The following PKD2L1 variants were observed in gnomAD, a reference collection of about 807,000 sequenced individuals.
The protein encoded by PKD2L1 is polycystin 2 like 1, transient receptor potential cation channel, also known as polycystin-2-like protein 1.
Under a neutral mutation model 93.0 loss-of-function variants are expected in PKD2L1, and 77 were observed. The observed-to-expected ratio is 0.83, with a 90% CI of 0.69 to 1.00. The LOEUF (loss-of-function observed/expected upper bound fraction) is 1.00. Among genes scored for constraint, PKD2L1 ranks in the 50% least tolerant of loss-of-function variants. The pLI, the probability that PKD2L1 is intolerant of heterozygous loss-of-function variation, is 0.00. For synonymous variants in PKD2L1, 390 were observed against 388.0 expected (o/e 1.01, Z -0.06); for missense variants, 977 against 990.9 (o/e 0.99, Z 0.19).
chr10:100,327,126 G>T (rs374315575), intron 2 of PKD2L1, among the ~76,000 whole-genome samples: 17 of 152,276 alleles, frequency 1.1e-4, no homozygotes, highest in African/African-American at 3.9e-4. Flanking sequence ...CCAACGTCTG[G>T]CTCAGAGGAG....
rs1848534820 is a variant in PKD2L1 at position 100,296,247 on chromosome 10, C to T, written c.1231G>A (p.Val411Met). ...VGFHIFRTLE[V>M]NRLMGKLLQQ... The stretch of plus-strand genomic sequence containing the variant: ...AGGAGCTTCCCCATGAGCCGATTCA[C>T]CTCGAGGGTTCGGAATATGTGGAAG... The change falls in exon 7 of 16, where the codon GTG (valine) becomes ATG (methionine). Residue 411 changes from valine to methionine, a missense_variant. Physicochemically the swap from Val to Met is conservative, Grantham distance 21 (BLOSUM62 1). Coordinates refer to ENST00000318222, the MANE Select transcript of PKD2L1 (RefSeq NM_016112.3). 1.2e-6 allele frequency: 2 copies of T among 1,608,980 alleles called. No homozygotes were observed. Among genetic ancestry groups the T allele is most frequent in the African/African-American group, 1.3e-5 (1 of 74,522 alleles).
chr10:100,326,768 A>G (rs2133575802), intron 2 of PKD2L1, among the ~76,000 whole-genome samples: 1 of 152,360 alleles, frequency 6.6e-6, no homozygotes, highest in African/African-American at 2.4e-5. Context: ...AAAGAAGTTA[A>G]GCAAATTGCT....
At chr10:100,328,296 C>T (rs1055672262) in intron 2 of PKD2L1, among the ~76,000 whole-genome samples, 2 of 152,172 alleles carry the variant, frequency 1.3e-5, no homozygotes, top group African/African-American at 4.8e-5. Context: ...TCACTTGCTT[C>T]TCTCAACTTA....
At chr10:100,293,198 A>G (rs920669236) in intron 10 of PKD2L1, 83 bp downstream of exon 10, 3 of 1,530,020 alleles carry the variant, frequency 2.0e-6, no homozygotes, top group Non-Finnish European at 2.7e-6. Context: ...AGGCACCTCA[A>G]TCAGTCAGGA....
intron 7 of PKD2L1, 81 bp downstream of exon 7, chr10:100,296,034 CAAAAAAA>C (rs200777805): frequency 4.1e-6 from 4 of 980,512 alleles, no homozygotes; most frequent in South Asian, 3.2e-5. Context: ...GACTCCATCT[CAAAAAAA>C]AAAAAAAGAA....
chr10:100,329,391 T>C, intron 1 of PKD2L1, 67 bp from the exon 2 acceptor site: 1 of 1,611,260 alleles, frequency 6.2e-7, no homozygotes, highest in Non-Finnish European at 8.5e-7. Context: ...TCCCCACCCA[T>C]CTGTCTCTGG....
intron 2 of PKD2L1, among the ~76,000 whole-genome samples, chr10:100,307,450 G>A (rs1848829646): frequency 6.6e-6 from 1 of 152,154 alleles, no homozygotes; most frequent in African/African-American, 2.4e-5. Context: ...TTGAGCCCGG[G>A]AATTCATAGA....
intron 2 of PKD2L1, among the ~76,000 whole-genome samples, chr10:100,328,448 A>G (rs973615541): frequency 1.3e-5 from 2 of 152,172 alleles, no homozygotes; most frequent in African/African-American, 4.8e-5. Flanking sequence ...TCTGAGATCT[A>G]AGGTCGCCTG....
Position 100,297,609 on chromosome 10 carries a change from G to C in PKD2L1, c.732-3C>G. 2 of 1,611,310 alleles carry C rather than the reference G, an allele frequency of 1.2e-6. No homozygotes were observed. Among genetic ancestry groups the C allele is most frequent in the South Asian group, 1.1e-5 (1 of 90,962 alleles). On this transcript the variant is annotated splice_polypyrimidine_tract_variant and splice_region_variant and intron_variant, in intron 4 of 15. Transcript: ENST00000318222. Reference sequence around the variant, plus strand: ...CATCCTGCGAGTGGTATGTCCACCTGCCACAGAAAATGCCAGCTGAGCCAG... The same window carrying C: ...CATCCTGCGAGTGGTATGTCCACCTCCCACAGAAAATGCCAGCTGAGCCAG...
Position 100,298,692 on chromosome 10 carries a change from G to C in PKD2L1, c.601C>G (p.Arg201Gly), listed in dbSNP as rs146636374. The C allele has an allele frequency of 6.2e-7, 1 of 1,613,962 alleles. No individual in the cohort carries two copies. The highest frequency in any genetic ancestry group is 1.7e-5 in the Admixed American group (1 of 59,996). ...ENMLLGVPRL[R>G]QLKVRNDSCV... ...GAGTCATTGCGGACCTTTAGCTGCCGCAGCCTCGGAACCCCCAGCAGCATG... is the reference window on the plus strand; with the variant it reads ...GAGTCATTGCGGACCTTTAGCTGCCCCAGCCTCGGAACCCCCAGCAGCATG... Residue 201 changes from arginine (R) to glycine (G), a missense_variant, in exon 4 of 16, where the codon CGG becomes GGG. Arg to Gly is a moderately radical substitution (Grantham distance 125, BLOSUM62 -2). Transcript: ENST00000318222.
At chr10:100,289,393 G>A (rs1472628662) in intron 14 of PKD2L1, among the ~76,000 whole-genome samples, 1 of 152,142 alleles carries the variant, frequency 6.6e-6, no homozygotes, top group Admixed American at 6.5e-5. Context: ...TACAAAATTA[G>A]CTGGGTATGG....
intron 2 of PKD2L1, among the ~76,000 whole-genome samples, chr10:100,311,940 T>C (rs1245270048): frequency 2.0e-5 from 3 of 152,202 alleles, no homozygotes; most frequent in Admixed American, 2.0e-4. Context: ...AGGATGCTTC[T>C]CTAGAAATCT....
At chr10:100,289,292 C>T (rs1390966916) in intron 14 of PKD2L1, among the ~76,000 whole-genome samples, 1 of 152,174 alleles carries the variant, frequency 6.6e-6, no homozygotes, top group Non-Finnish European at 1.5e-5. Context: ...GTAATTCCAG[C>T]ACTTTGGGAG....
chr10:100,328,952 C>T (rs1849439691), intron 2 of PKD2L1, among the ~76,000 whole-genome samples: 1 of 152,220 alleles, frequency 6.6e-6, no homozygotes, highest in Non-Finnish European at 1.5e-5. Context: ...AAAACAATGG[C>T]TGCCAAAAAC....
At chr10:100,316,268 G>A (rs565863715) in intron 2 of PKD2L1, among the ~76,000 whole-genome samples, 2 of 152,202 alleles carry the variant, frequency 1.3e-5, no homozygotes, top group Admixed American at 1.3e-4. Context: ...TGCCTCCCAG[G>A]TTCAAGCAAT....
At chr10:100,302,688 T>TC (rs34863323) in intron 2 of PKD2L1, among the ~76,000 whole-genome samples, 6 of 113,758 alleles carry the variant, frequency 5.3e-5, no homozygotes, top group South Asian at 2.6e-4. Flanking sequence ...TGAGACTCTG[T>TC]CCCCCAAAAA....
intron 2 of PKD2L1, among the ~76,000 whole-genome samples, 172 bp from the exon 3 acceptor site, chr10:100,299,890 G>A (rs146409321): frequency 6.6e-6 from 1 of 152,286 alleles, no homozygotes; most frequent in African/African-American, 2.4e-5. Flanking sequence ...GCCAGGAAAT[G>A]CATTAGGAAA....
chr10:100,303,074 A>T (rs1848719358), intron 2 of PKD2L1, among the ~76,000 whole-genome samples: 1 of 152,198 alleles, frequency 6.6e-6, no homozygotes. Context: ...GAGAAAGGAG[A>T]AGCAAGCATG....
At chr10:100,290,542 G>C (rs1806888358) in intron 12 of PKD2L1, 23 bp from the exon 13 acceptor site, 6 of 1,472,288 alleles carry the variant, frequency 4.1e-6, no homozygotes, top group Non-Finnish European at 9.5e-7. Flanking sequence ...TCAGAGGTTA[G>C]AGGGGAGGAG....
Sources: gnomAD v4.1 joint callset for allele counts (sites outside exome capture counted in the v4.1 genomes callset) on GRCh38, gnomAD v4.1.1 for gene constraint, MANE v1.5 for transcripts, NCBI Gene and HGNC (gene_info 2026-07-23, HGNC 2026-07-21) for gene names.